Variants in CYP2F1 observed in about 807,000 individuals in gnomAD.
CYP2F1 encodes the protein cytochrome P450 family 2 subfamily F member 1.
CYP2F1 carries 33 observed loss-of-function variants against 40.4 expected under a neutral mutation model. That is an observed-to-expected ratio of 0.82 (90% CI 0.62 to 1.09). The LOEUF (loss-of-function observed/expected upper bound fraction) is 1.09, where lower values mean the gene tolerates loss of function less well. Among genes scored for constraint, CYP2F1 ranks in the 50% least tolerant of loss-of-function variants. The probability of loss-of-function intolerance (pLI) is 0.00; values close to 1 mark genes in which losing one functional copy is unlikely to be tolerated. For synonymous variants in CYP2F1, 235 were observed against 277.2 expected, an observed-to-expected ratio of 0.85 and a Z score of 1.51; for missense variants, 566 against 655.7, an observed-to-expected ratio of 0.86 and a Z score of 1.49.
In CYP2F1 at chr19:41,124,245, T is replaced by TCC. The variant is rs1555720775; in HGVS notation, c.965-465_965-464dup. Among the ~76,000 whole-genome samples the TCC allele has an allele frequency of 6.2e-3, 186 of 29,786 alleles. 9 individuals are homozygous for TCC. Among genetic ancestry groups the TCC allele is most frequent in the African/African-American group, 0.018 (103 of 5,724 alleles). The allele number at this position is 29,786 out of a possible 152,430, so 19.5% of individuals were successfully genotyped here. ...GCTAATTCTTTTTTTTTTTTCCTCT[T>TCC]CCCCCCCCCCTTTTTTTTTTTTTTT... On this transcript the variant is annotated intron_variant, in intron 7 of 9. Coordinates refer to ENST00000331105, the MANE Select transcript of CYP2F1 (RefSeq NM_000774.5).
At position 41,121,546 on chromosome 19, in the gene CYP2F1, T is replaced by C. The variant is rs778384820; in HGVS notation, c.573T>C (p.Asp191=). ...SVLFGSRFDY[D]DERLLTIIRL... ...TCTTCGGCAGCCGCTTCGACTATGA[T>C]GATGAGCGTCTGCTCACCATTATCC... Residue 191 remains aspartate, a synonymous_variant, in exon 5 of 10, where the codon GAT becomes GAC. Transcript: ENST00000331105. 1 of 1,610,000 alleles carries C rather than the reference T, an allele frequency of 6.2e-7. No homozygotes were observed. Among genetic ancestry groups the C allele is most frequent in the South Asian group, 1.1e-5 (1 of 90,874 alleles).
In CYP2F1 at chr19:41,116,475, C is replaced by T. The variant is rs977519814; in HGVS notation, c.192C>T (p.Ser64=). The T allele has an allele frequency of 1.9e-6, 3 of 1,613,534 alleles. No homozygotes were observed. Among genetic ancestry groups the T allele is most frequent in the Non-Finnish European group, 2.5e-6 (3 of 1,179,750 alleles). ...CTCAGCTGAGCAAGGAGTATGGCTCCATGTACACAGTGCACCTGGGACCCA... is the reference window on the plus strand; with the variant it reads ...CTCAGCTGAGCAAGGAGTATGGCTCTATGTACACAGTGCACCTGGGACCCA... The part of the protein sequence containing the change: ...SLTKLSKEYG[S]MYTVHLGPRR... The change falls in exon 3 of 10, where the codon TCC becomes TCT. Residue 64 remains serine (S), a synonymous_variant. Coordinates refer to ENST00000331105, the MANE Select transcript of CYP2F1 (RefSeq NM_000774.5).
At chr19:41,125,075 G>A (rs1460190458) in intron 8 of CYP2F1, 169 bp downstream of exon 8, 3 of 620,468 alleles carry the variant, frequency 4.8e-6, no homozygotes, top group Non-Finnish European at 8.2e-6. Context: ...AGAAGCTCAG[G>A]CCTTTGCCAG....
At position 41,121,637 on chromosome 19, in the gene CYP2F1, G is replaced by T; in HGVS notation, c.645+19G>T. On this transcript the variant is annotated intron_variant, in intron 5 of 9. Transcript: ENST00000331105. ...GGGCGAGGTCAGCCAACTGAGTCCA[G>T]CAGGGGCAGGGTGTGGGGTCCGCAG... 6.2e-7 allele frequency: 1 copy of T among 1,601,824 alleles called. No homozygotes were observed. The highest frequency in any genetic ancestry group is 8.5e-7 in the Non-Finnish European group (1 of 1,174,824).
At chr19:41,120,757 T>C (rs1054388939) in intron 4 of CYP2F1, among the ~76,000 whole-genome samples, 2 of 151,906 alleles carry the variant, frequency 1.3e-5, no homozygotes, top group Non-Finnish European at 2.9e-5. Flanking sequence ...GCTGGAACTA[T>C]AGGCATACAC....
chr19:41,127,623 C>A (rs1308776361), intron 9 of CYP2F1, among the ~76,000 whole-genome samples: 1 of 152,176 alleles, frequency 6.6e-6, no homozygotes, highest in Non-Finnish European at 1.5e-5. Context: ...CCTAAGCCAG[C>A]ACGCCCAGCC....
intron 3 of CYP2F1, among the ~76,000 whole-genome samples, chr19:41,117,625 C>G (rs145180787): frequency 6.0e-4 from 91 of 152,204 alleles, no homozygotes; most frequent in African/African-American, 2.1e-3. Context: ...TCATCCTACC[C>G]AACTCCATCC....
intron 3 of CYP2F1, among the ~76,000 whole-genome samples, chr19:41,117,468 G>A (rs1043674383): frequency 6.6e-6 from 1 of 151,904 alleles, no homozygotes; most frequent in Non-Finnish European, 1.5e-5. Context: ...CCCAATCCCA[G>A]CCCCATCTCC....
rs2032628717 is a variant in CYP2F1, at chr19:41,128,358, A to C, written c.*276A>C. 5.1e-6 allele frequency: 2 copies of C among 391,400 alleles called. No individual in the cohort carries two copies. Among genetic ancestry groups the C allele is most frequent in the Admixed American group, 4.1e-5 (1 of 24,234 alleles). 24.2% of individuals were successfully genotyped at this position (391,400 alleles called of 1,614,324 possible). On this transcript the variant is annotated 3_prime_UTR_variant, in exon 10 of 10. Coordinates refer to ENST00000331105, the MANE Select transcript of CYP2F1 (RefSeq NM_000774.5). ...GTATCATTTCTTAGTACATTGTAATAGATTCAAACCAGTCTTGGCTGAATT... is the reference window on the plus strand; with the variant it reads ...GTATCATTTCTTAGTACATTGTAATCGATTCAAACCAGTCTTGGCTGAATT...
chr19:41,121,008 G>A (rs568275339), intron 4 of CYP2F1, among the ~76,000 whole-genome samples: 1 of 152,120 alleles, frequency 6.6e-6, no homozygotes, highest in South Asian at 2.1e-4. Context: ...GTAGCTGTAT[G>A]CTGGCTTTAT....
chr19:41,121,023 TG>T (rs1276868083), intron 4 of CYP2F1, among the ~76,000 whole-genome samples: 23 of 152,002 alleles, frequency 1.5e-4, no homozygotes, highest in African/African-American at 5.6e-4. Context: ...CTTTATGTGT[TG>T]GTGTGTGGTT....
Position 41,122,938 on chromosome 19 carries a change from A to G in CYP2F1, c.939A>G (p.Ala313=), listed in dbSNP as rs747551722. 6.2e-7 allele frequency: 1 copy of G among 1,613,164 alleles called. No homozygotes were observed. Among genetic ancestry groups the G allele is most frequent in the Admixed American group, 1.7e-5 (1 of 59,858 alleles). ...VSTTLHHAFL[A]LMKYPKVQAR... ...CCACGCTGCACCACGCCTTCCTGGC[A>G]CTCATGAAGTACCCAAAAGTTCAAG... is the stretch of plus-strand genomic sequence containing the variant. The change falls in exon 7 of 10, where the codon GCA becomes GCG. Residue 313 remains alanine, a synonymous_variant. Transcript: ENST00000331105.
intron 3 of CYP2F1, among the ~76,000 whole-genome samples, chr19:41,118,065 G>A (rs1006757759): frequency 1.2e-4 from 18 of 151,988 alleles, no homozygotes; most frequent in African/African-American, 3.6e-4. Flanking sequence ...GGCCAGGCTG[G>A]TCTTGAATGC....
Position 41,124,057 on chromosome 19 carries a change from A to C in CYP2F1, c.965-662A>C, listed in dbSNP as rs1386615928. On this transcript the variant is annotated intron_variant, in intron 7 of 9. Coordinates refer to ENST00000331105, the MANE Select transcript of CYP2F1 (RefSeq NM_000774.5). ...TCCAGCCCTCCCACACAGTCCACCCACTCGACCTACCGTCCAGCCAGTAGA... is the reference window on the plus strand; with the variant it reads ...TCCAGCCCTCCCACACAGTCCACCCCCTCGACCTACCGTCCAGCCAGTAGA... Among the ~76,000 whole-genome samples the C allele has an allele frequency of 7.3e-5, 11 of 150,178 alleles. 1 individual carries two copies. The highest frequency in any genetic ancestry group is 6.6e-4 in the Admixed American group (10 of 15,058).
intron 1 of CYP2F1, 41 bp downstream of exon 1, chr19:41,114,533 T>C (rs546527403): frequency 1.3e-5 from 2 of 152,294 alleles, no homozygotes; most frequent in East Asian, 3.9e-4. Context: ...GGAGGGGGTG[T>C]CTCCCAAGAG....
chr19:41,122,574 TA>T (rs2032288817), intron 6 of CYP2F1, among the ~76,000 whole-genome samples: 1 of 151,712 alleles, frequency 6.6e-6, no homozygotes, highest in Non-Finnish European at 1.5e-5. Context: ...CATACATACA[TA>T]CACACATACA....
chr19:41,119,740 TATATATATACACAC>T (rs1382749948), intron 3 of CYP2F1, among the ~76,000 whole-genome samples: 7 of 73,420 alleles, frequency 9.5e-5, no homozygotes, highest in Non-Finnish European at 1.3e-4. Flanking sequence ...TATATATATA[TATATATATACACAC>T]ACACACACAC....
intron 3 of CYP2F1, among the ~76,000 whole-genome samples, chr19:41,119,620 C>T (rs1348534931): frequency 3.4e-5 from 5 of 148,694 alleles, no homozygotes; most frequent in African/African-American, 9.9e-5. Flanking sequence ...ACCCGGGAGG[C>T]GGAGGTTGCA....
chr19:41,118,968 G>C (rs2144749287), intron 3 of CYP2F1, among the ~76,000 whole-genome samples: 1 of 152,264 alleles, frequency 6.6e-6, no homozygotes, highest in South Asian at 2.1e-4. Context: ...TCCCAGTCCA[G>C]TGGAAGACAC....
Sources: allele counts gnomAD v4.1 joint callset (sites outside exome capture counted in the v4.1 genomes callset), GRCh38; gene constraint gnomAD v4.1.1; transcripts MANE v1.5; gene names NCBI Gene and HGNC (gene_info 2026-07-23, HGNC 2026-07-21).